The following ST18 variants were observed in gnomAD, a reference collection of about 807,000 sequenced individuals.
The protein encoded by ST18 is suppression of tumorigenicity 18 protein.
Under a neutral mutation model 110.0 loss-of-function variants are expected in ST18, and 50 were observed. The ratio of observed to expected loss-of-function variants is 0.45; its 90% CI spans 0.36 to 0.58. The LOEUF (loss-of-function observed/expected upper bound fraction) is 0.58, where lower values mean the gene tolerates loss of function less well. Among genes scored for constraint, ST18 ranks in the 20% least tolerant of loss-of-function variants. The pLI is 0.00. For synonymous variants in ST18, 461 were observed against 452.4 expected (o/e 1.02, Z -0.24); for missense variants, 1,306 against 1,280.1 (o/e 1.02, Z -0.31).
chr8:52,133,036 T>C (rs2050357921), intron 21 of ST18, 21 bp downstream of exon 21: 3 of 1,612,324 alleles, frequency 1.9e-6, no homozygotes, highest in South Asian at 1.1e-5. Context: ...CTGACCCCCA[T>C]GTCTCAACTG....
chr8:52,349,776 GGAGTGTTATATAAA>G (rs1819415832), intron 2 of ST18, among the ~76,000 whole-genome samples: 1 of 152,130 alleles, frequency 6.6e-6, no homozygotes, highest in Non-Finnish European at 1.5e-5. Flanking sequence ...GGTAATGTGA[GGAGTGTTATATAAA>G]GAGACTGCAA....
chr8:52,170,094 A>T (rs2064295650), intron 10 of ST18, among the ~76,000 whole-genome samples: 1 of 152,228 alleles, frequency 6.6e-6, no homozygotes, highest in African/African-American at 2.4e-5. Context: ...TTGTTTAACA[A>T]AACAAAAGAA....
intron 8 of ST18, among the ~76,000 whole-genome samples, chr8:52,209,789 ATAT>A (rs1339479273): frequency 1.6e-3 from 130 of 82,900 alleles, no homozygotes; most frequent in East Asian, 9.2e-3. Flanking sequence ...AAAAAAAAAA[ATAT>A]ATATATATAT....
At chr8:52,357,683 AT>A (rs1823505478) in intron 2 of ST18, among the ~76,000 whole-genome samples, 9 of 25,188 alleles carry the variant, frequency 3.6e-4, no homozygotes, top group Non-Finnish European at 5.8e-4. Context: ...ATAAATATAT[AT>A]ATATATATAT....
chr8:52,276,485 T>A (rs950013308), intron 2 of ST18, among the ~76,000 whole-genome samples: 5 of 152,032 alleles, frequency 3.3e-5, no homozygotes, highest in African/African-American at 1.2e-4. Flanking sequence ...AGGAAAGTTA[T>A]TTTCCCAGTT....
chr8:52,116,505 C>T (rs1242405843), intron 24 of ST18, 87 bp from the exon 25 acceptor site: 1 of 1,325,542 alleles, frequency 7.5e-7, no homozygotes, highest in African/African-American at 1.5e-5. Flanking sequence ...GCACCAAGTG[C>T]ATCTGAATAC....
intron 16 of ST18, among the ~76,000 whole-genome samples, chr8:52,146,460 A>C (rs1344267872): frequency 6.8e-6 from 1 of 147,302 alleles, no homozygotes; most frequent in Non-Finnish European, 1.5e-5. Context: ...CCTTTTCCTC[A>C]TTTACCTTCT....
intron 8 of ST18, among the ~76,000 whole-genome samples, chr8:52,181,155 C>T (rs2069339603): frequency 6.6e-6 from 1 of 151,988 alleles, no homozygotes; most frequent in Non-Finnish European, 1.5e-5. Flanking sequence ...AGGGTTTGGC[C>T]AACTGCGAGT....
At chr8:52,139,710 G>A (rs567260915) in intron 17 of ST18, among the ~76,000 whole-genome samples, 1 of 152,236 alleles carries the variant, frequency 6.6e-6, no homozygotes, top group South Asian at 2.1e-4. Flanking sequence ...GCCAAGAAGT[G>A]CCAGAGGTTT....
chr8:52,159,138 G>A (rs1183154701), intron 14 of ST18, 29 bp from the exon 15 acceptor site: 1 of 1,597,480 alleles, frequency 6.3e-7, no homozygotes, highest in Non-Finnish European at 8.6e-7. Context: ...ATTAGCAATT[G>A]CATGTACATG....
At chr8:52,113,919 A>G (rs1230959189) in intron 25 of ST18, among the ~76,000 whole-genome samples, 3 of 132,394 alleles carry the variant, frequency 2.3e-5, no homozygotes, top group Non-Finnish European at 4.8e-5. Flanking sequence ...TAAGCAGAAT[A>G]TCAGTTTCAC....
intron 2 of ST18, among the ~76,000 whole-genome samples, chr8:52,350,020 G>C (rs1819554324): frequency 2.0e-5 from 3 of 152,148 alleles, no homozygotes; most frequent in Admixed American, 2.0e-4. Context: ...CCTTCCTCCT[G>C]TTCCACACCC....
chr8:52,160,163 C>T (rs753836243), intron 14 of ST18, among the ~76,000 whole-genome samples: 37 of 152,182 alleles, frequency 2.4e-4, no homozygotes, highest in Admixed American at 1.6e-3. Context: ...TATGTATGTA[C>T]GTATATTGTG....
intron 8 of ST18, among the ~76,000 whole-genome samples, chr8:52,198,420 A>G (rs985617880): frequency 6.6e-6 from 1 of 152,190 alleles, no homozygotes; most frequent in African/African-American, 2.4e-5. Flanking sequence ...CACACAAAAA[A>G]CTAAAAACCT....
At position 52,283,756 on chromosome 8, in the gene ST18, C is replaced by G. The variant is rs368993053; in HGVS notation, c.-464-53679G>C. 1.1e-3 allele frequency among the ~76,000 whole-genome samples: 171 copies of G among 152,254 alleles called. 3 individuals are homozygous for G. The South Asian group carries it at 0.033, about 29-fold the overall frequency. ...CTGACAGTTCTGGCAGTAAAGTGAA[C>G]TGTACGTCACATCCCTGGGAGGTGG... is the stretch of plus-strand genomic sequence containing the variant. On this transcript the variant is annotated intron_variant, in intron 2 of 25. Transcript: ENST00000689386.
At chr8:52,378,542 C>T (rs1833282307) in intron 2 of ST18, among the ~76,000 whole-genome samples, 1 of 152,042 alleles carries the variant, frequency 6.6e-6, no homozygotes, top group African/African-American at 2.4e-5. Context: ...TGTCATTTTC[C>T]TAGTTTAGCC....
chr8:52,234,335 G>A (rs1359503128), intron 2 of ST18, among the ~76,000 whole-genome samples: 1 of 152,052 alleles, frequency 6.6e-6, no homozygotes, highest in African/African-American at 2.4e-5. Flanking sequence ...CTCAATCTCG[G>A]CTCACTGCAA....
chr8:52,184,177 C>T (rs943715094), intron 8 of ST18, among the ~76,000 whole-genome samples: 1 of 152,100 alleles, frequency 6.6e-6, no homozygotes, highest in African/African-American at 2.4e-5. Flanking sequence ...TTCCCATCTG[C>T]GGAGCTCTGA....
chr8:52,370,010 T>C (rs999310978), intron 2 of ST18, among the ~76,000 whole-genome samples: 2 of 152,216 alleles, frequency 1.3e-5, no homozygotes, highest in African/African-American at 4.8e-5. Flanking sequence ...TCAGATGCCA[T>C]TCACAGAGCG....
Sources: allele counts gnomAD v4.1 joint callset (sites outside exome capture counted in the v4.1 genomes callset), GRCh38; gene constraint gnomAD v4.1.1; transcripts MANE v1.5; gene names NCBI Gene and HGNC (gene_info 2026-07-23, HGNC 2026-07-21).